The following CNTLN variants were observed in gnomAD, a reference collection of about 807,000 sequenced individuals.
CNTLN encodes centlein.
CNTLN carries 212 observed loss-of-function variants against 180.0 expected under a neutral mutation model. That is an observed-to-expected ratio of 1.18 (90% CI 1.05 to 1.32). CNTLN has a LOEUF of 1.32. Ranked by LOEUF, CNTLN falls within the 40% of genes most tolerant of loss-of-function variation. CNTLN has a pLI of 0.00. For synonymous variants in CNTLN, 722 were observed against 563.1 expected, an observed-to-expected ratio of 1.28 and a Z score of -3.99; for missense variants, 2,095 against 1,610.9, an observed-to-expected ratio of 1.30 and a Z score of -5.14.
chr9:17,388,216 A>G lies in CNTLN; in HGVS notation c.2042A>G (p.Lys681Arg), dbSNP rs753865790. 8 of 1,612,366 alleles carry G rather than the reference A, an allele frequency of 5.0e-6. No individual in the cohort carries two copies. The African/African-American group carries it at 1.1e-4, about 22-fold the overall frequency. ...DDEVKRSTPE[K>R]NGKEMLEQTL... ...GAGGTCAAGAGGAGTACTCCAGAGA[A>G]GAATGGAAAAGAAATGTTGGAGCAG... The change falls in exon 14 of 26, where the codon AAG (lysine) becomes AGG (arginine). Residue 681 changes from lysine to arginine, a missense_variant. By Grantham distance (26) the Lys-to-Arg change is conservative. Transcript: ENST00000380647.
chr9:17,435,622 G>A (rs778627001), intron 18 of CNTLN, among the ~76,000 whole-genome samples: 6 of 151,176 alleles, frequency 4.0e-5, no homozygotes, highest in African/African-American at 9.7e-5. Flanking sequence ...GTGCAGTGGC[G>A]CGATCTCGGC....
At chr9:17,456,919 G>T (rs1332696611) in intron 18 of CNTLN, among the ~76,000 whole-genome samples, 1 of 152,116 alleles carries the variant, frequency 6.6e-6, no homozygotes, top group Non-Finnish European at 1.5e-5. Flanking sequence ...AATTCAAAAT[G>T]TAAGGAGTTT....
intron 13 of CNTLN, among the ~76,000 whole-genome samples, chr9:17,379,611 A>G (rs193004720): frequency 8.7e-4 from 132 of 152,196 alleles, no homozygotes; most frequent in Non-Finnish European, 1.5e-3. Context: ...TCTAAAAACC[A>G]TTTTTCATAC....
intron 2 of CNTLN, among the ~76,000 whole-genome samples, chr9:17,198,386 C>CTTTTTTTTTT (rs61209273): frequency 2.5e-4 from 27 of 109,700 alleles, no homozygotes; most frequent in African/African-American, 3.6e-4. Flanking sequence ...TCTTTTCTTT[C>CTTTTTTTTTT]TTTTTTTTTT....
At chr9:17,437,200 T>C (rs995469484) in intron 18 of CNTLN, among the ~76,000 whole-genome samples, 1 of 152,236 alleles carries the variant, frequency 6.6e-6, no homozygotes, top group African/African-American at 2.4e-5. Context: ...TCCTATGTCC[T>C]GTCTTCTATT....
chr9:17,137,106 C>T (rs1342498063), intron 1 of CNTLN, among the ~76,000 whole-genome samples: 2 of 152,128 alleles, frequency 1.3e-5, no homozygotes, highest in African/African-American at 4.8e-5. Context: ...AAATGTGGCT[C>T]CAAACATGGT....
chr9:17,474,868 A>AG (rs1192341883), intron 23 of CNTLN, among the ~76,000 whole-genome samples: 1 of 128,742 alleles, frequency 7.8e-6, no homozygotes, highest in Non-Finnish European at 1.7e-5. Flanking sequence ...ACTCCACCTC[A>AG]AAAAAAAAAA....
At chr9:17,145,705 C>T (rs2131460661) in intron 2 of CNTLN, among the ~76,000 whole-genome samples, 1 of 152,302 alleles carries the variant, frequency 6.6e-6, no homozygotes, top group South Asian at 2.1e-4. Context: ...AATTTCTAAA[C>T]CTACTCACGT....
chr9:17,429,663 G>A (rs1282785099), intron 18 of CNTLN, among the ~76,000 whole-genome samples: 2 of 151,904 alleles, frequency 1.3e-5, no homozygotes, highest in East Asian at 1.9e-4. Flanking sequence ...AAAAGAGACC[G>A]CGTGGGTAAA....
chr9:17,524,166 TATG>T, the CNTLN span, among the ~76,000 whole-genome samples: 1 of 152,374 alleles, frequency 6.6e-6, no homozygotes, highest in African/African-American at 2.4e-5. Context: ...TATGTGTTTA[TATG>T]TATGTGCATA....
chr9:17,357,691 G>T (rs1190119975), intron 12 of CNTLN, among the ~76,000 whole-genome samples: 2 of 149,476 alleles, frequency 1.3e-5, no homozygotes, highest in East Asian at 3.9e-4. Context: ...ATAATCATTT[G>T]ATTTTTCTGT....
intron 3 of CNTLN, among the ~76,000 whole-genome samples, chr9:17,234,220 T>A (rs1824995423): frequency 6.6e-6 from 1 of 152,100 alleles, no homozygotes; most frequent in Admixed American, 6.6e-5. Context: ...GGGGCCAAGC[T>A]GGGAAGATTA....
Position 17,382,563 on chromosome 9 carries a change from C to T in CNTLN, c.1988-5599C>T, listed in dbSNP as rs144775781. ...ATTAATATTAACTAATTCTTTGTGA[C>T]CATAATTTAATGCACAGTCATTAAT... On this transcript the variant is annotated intron_variant, in intron 13 of 25. Transcript: ENST00000380647. Among the ~76,000 whole-genome samples the T allele has an allele frequency of 1.4e-3, 218 of 152,234 alleles. 1 individual carries two copies. Among genetic ancestry groups the T allele is most frequent in the African/African-American group, 4.3e-3 (178 of 41,534 alleles).
chr9:17,362,445 G>T (rs1331569180), intron 12 of CNTLN, among the ~76,000 whole-genome samples: 1 of 152,090 alleles, frequency 6.6e-6, no homozygotes, highest in African/African-American at 2.4e-5. Flanking sequence ...ATCCTTATGT[G>T]TGTGAATTGA....
intron 13 of CNTLN, among the ~76,000 whole-genome samples, chr9:17,384,844 A>G (rs1046969694): frequency 5.3e-5 from 8 of 152,146 alleles, no homozygotes; most frequent in East Asian, 1.9e-4. Flanking sequence ...CTTCCACCCA[A>G]CAACTAACTC....
At chr9:17,284,182 C>A (rs1046922571) in intron 6 of CNTLN, among the ~76,000 whole-genome samples, 1 of 151,968 alleles carries the variant, frequency 6.6e-6, no homozygotes, top group African/African-American at 2.4e-5. Context: ...CAGTATGCCT[C>A]GCTAATTTTT....
Position 17,485,603 on chromosome 9 carries a change from C to T in CNTLN, c.4041+1123C>T, listed in dbSNP as rs190053468. 1.2e-4 allele frequency among the ~76,000 whole-genome samples: 18 copies of T among 152,160 alleles called. No homozygotes were observed. In the East Asian group the frequency reaches 3.5e-3, roughly 29 times the overall value. ...TTATAGGCATTTAATTAAAATATGT[C>T]GATTGATGAGAAACCTAACCAAAAT... is the stretch of plus-strand genomic sequence containing the variant. On this transcript the variant is annotated intron_variant, in intron 24 of 25. Transcript: ENST00000380647.
At chr9:17,318,213 T>C (rs1819661889) in intron 8 of CNTLN, among the ~76,000 whole-genome samples, 1 of 151,822 alleles carries the variant, frequency 6.6e-6, no homozygotes, top group African/African-American at 2.4e-5. Flanking sequence ...GTATTTTTAG[T>C]AGAGATGGGG....
chr9:17,360,577 A>AGT (rs1437105343), intron 12 of CNTLN, among the ~76,000 whole-genome samples: 12 of 152,164 alleles, frequency 7.9e-5, no homozygotes, highest in Admixed American at 2.0e-4. Context: ...AAACTGACTT[A>AGT]GTGGAGTTCC....
Sources: gnomAD v4.1 joint callset for allele counts (sites outside exome capture counted in the v4.1 genomes callset) on GRCh38, gnomAD v4.1.1 for gene constraint, MANE v1.5 for transcripts, NCBI Gene and HGNC (gene_info 2026-07-23, HGNC 2026-07-21) for gene names.